CNTN5: variants seen among roughly 807,000 people sequenced by gnomAD.
CNTN5 encodes the protein contactin 5, also known as contactin-5.
CNTN5 carries 77 observed loss-of-function variants against 129.1 expected under a neutral mutation model. That is an observed-to-expected ratio of 0.60 (90% CI 0.50 to 0.72). The LOEUF (loss-of-function observed/expected upper bound fraction) is 0.72. Ranked by LOEUF, CNTN5 falls within the 30% of genes least tolerant of loss-of-function variation. The pLI is 0.00. For missense variants in CNTN5, 1,478 were observed against 1,328.8 expected, an observed-to-expected ratio of 1.11 and a Z score of -1.75; for synonymous variants, 509 against 465.6, an observed-to-expected ratio of 1.09 and a Z score of -1.20.
intron 8 of CNTN5, among the ~76,000 whole-genome samples, chr11:99,996,568 T>C (rs574589813): frequency 6.6e-6 from 1 of 152,272 alleles, no homozygotes; most frequent in South Asian, 2.1e-4. Flanking sequence ...CCATTTACTC[T>C]CTCCTATCTT....
At chr11:100,279,578 G>C (rs1471013548) in intron 18 of CNTN5, among the ~76,000 whole-genome samples, 1 of 151,640 alleles carries the variant, frequency 6.6e-6, no homozygotes, top group African/African-American at 2.4e-5. Context: ...ATTTCTTCTA[G>C]ATATTCCAAT....
At chr11:99,125,842 A>G (rs1426383434) in intron 1 of CNTN5, among the ~76,000 whole-genome samples, 1 of 152,164 alleles carries the variant, frequency 6.6e-6, no homozygotes, top group African/African-American at 2.4e-5. Flanking sequence ...TTTTAACATC[A>G]CAAACTCAAA....
chr11:100,052,588 T>G (rs1943016393), intron 9 of CNTN5, among the ~76,000 whole-genome samples: 1 of 151,860 alleles, frequency 6.6e-6, no homozygotes. Context: ...ATATACCGTG[T>G]TCATGGAATA....
intron 3 of CNTN5, among the ~76,000 whole-genome samples, chr11:99,660,280 A>C (rs936972915): frequency 1.3e-5 from 2 of 152,096 alleles, no homozygotes; most frequent in African/African-American, 4.8e-5. Context: ...AGAAAGTACA[A>C]GCTAATTTAT....
chr11:100,205,204 A>G (rs903230450), intron 15 of CNTN5, among the ~76,000 whole-genome samples: 1 of 152,006 alleles, frequency 6.6e-6, no homozygotes, highest in African/African-American at 2.4e-5. Context: ...GACATCTTTA[A>G]AATTCTACCT....
chr11:100,285,809 G>C (rs1950770228), intron 18 of CNTN5, among the ~76,000 whole-genome samples: 2 of 152,216 alleles, frequency 1.3e-5, no homozygotes, highest in Admixed American at 6.5e-5. Context: ...GAGCGACGCA[G>C]AAGACGGGTG....
chr11:99,760,583 T>C (rs1944545967), intron 3 of CNTN5, among the ~76,000 whole-genome samples: 1 of 152,150 alleles, frequency 6.6e-6, no homozygotes, highest in Non-Finnish European at 1.5e-5. Context: ...GGTTATGGAT[T>C]AGTTCTGAGT....
intron 1 of CNTN5, among the ~76,000 whole-genome samples, chr11:99,083,792 C>A (rs1433663650): frequency 1.3e-5 from 2 of 151,990 alleles, no homozygotes; most frequent in Non-Finnish European, 2.9e-5. Flanking sequence ...AACTTCCACC[C>A]CATAAGTCAC....
intron 1 of CNTN5, among the ~76,000 whole-genome samples, chr11:99,138,399 A>C (rs1438398266): frequency 1.3e-5 from 2 of 152,198 alleles, no homozygotes; most frequent in African/African-American, 4.8e-5. Context: ...CAGTTATGTT[A>C]AGTGGGAGTG....
chr11:100,340,584 G>A lies in CNTN5; in HGVS notation c.2852G>A (p.Arg951Lys), dbSNP rs1247810023. 1 of 1,613,260 alleles carries A rather than the reference G, an allele frequency of 6.2e-7. No individual in the cohort carries two copies. Among genetic ancestry groups the A allele is most frequent in the Admixed American group, 1.7e-5 (1 of 59,942 alleles). ...EGNTLYHFTV[R>K]AYNGAGYGPP... ...AATACGTTATATCACTTCACAGTGA[G>A]GGCTTACAATGGAGCTGGATATGGG... is the stretch of plus-strand genomic sequence containing the variant. The change falls in exon 22 of 25, where the codon AGG (arginine) becomes AAG (lysine). Residue 951 changes from arginine (R) to lysine (K), a missense_variant. Coordinates refer to ENST00000524871, the MANE Select transcript of CNTN5 (RefSeq NM_014361.4).
chr11:100,100,025 T>G (rs757612751), intron 13 of CNTN5, among the ~76,000 whole-genome samples: 3 of 152,142 alleles, frequency 2.0e-5, no homozygotes, highest in Non-Finnish European at 4.4e-5. Context: ...CTTTTCTTCT[T>G]AGTTCCAATT....
chr11:99,191,894 T>C (rs1858661807), intron 1 of CNTN5, among the ~76,000 whole-genome samples: 1 of 151,496 alleles, frequency 6.6e-6, no homozygotes, highest in Non-Finnish European at 1.5e-5. Context: ...TTTCCTCAAG[T>C]CACTAGAAGC....
chr11:100,011,052 C>T (rs951826634), intron 9 of CNTN5, among the ~76,000 whole-genome samples: 31 of 152,126 alleles, frequency 2.0e-4, no homozygotes, highest in African/African-American at 7.5e-4. Context: ...TGAATATGTA[C>T]ACTGAATGAA....
At chr11:100,279,544 TTGTA>T (rs1249249989) in intron 18 of CNTN5, among the ~76,000 whole-genome samples, 3 of 152,026 alleles carry the variant, frequency 2.0e-5, no homozygotes, top group South Asian at 2.1e-4. Flanking sequence ...TCTTGATAGG[TTGTA>T]TGTGTCTAGA....
At chr11:99,148,952 A>G (rs1859918142) in intron 1 of CNTN5, among the ~76,000 whole-genome samples, 1 of 151,978 alleles carries the variant, frequency 6.6e-6, no homozygotes, top group Admixed American at 6.6e-5. Flanking sequence ...AAGAACAGTA[A>G]AATCATTTGT....
rs536763996 is a variant in CNTN5, at chr11:99,291,445, T to A, written c.-209-33901T>A. On this transcript the variant is annotated intron_variant, in intron 1 of 24. Transcript: ENST00000524871. ...TTGCTATGCTGTGTCTTATAGGAGT[T>A]GTCTTTTCTAACTACCTTTGGCCCA... Among the ~76,000 whole-genome samples the A allele has an allele frequency of 5.9e-5, 9 of 152,016 alleles. No homozygotes were observed. The East Asian group carries it at 1.4e-3, about 23-fold the overall frequency.
chr11:99,062,934 A>G (rs1461654297), intron 1 of CNTN5, among the ~76,000 whole-genome samples: 2 of 152,166 alleles, frequency 1.3e-5, no homozygotes, highest in African/African-American at 2.4e-5. Flanking sequence ...AGATACGGAG[A>G]TTAAGAACAT....
chr11:99,639,137 C>T (rs138930222), intron 3 of CNTN5, among the ~76,000 whole-genome samples: 1,645 of 152,332 alleles, frequency 0.011, 14 homozygotes, highest in Middle Eastern at 0.051. Context: ...CTCAAGACCA[C>T]GTGGACACTG....
chr11:100,241,701 T>G (rs1180243570), intron 16 of CNTN5, among the ~76,000 whole-genome samples: 2 of 152,120 alleles, frequency 1.3e-5, no homozygotes, highest in African/African-American at 4.8e-5. Context: ...AAGGCTTGTG[T>G]GGGGAAAGGA....
Sources: allele counts gnomAD v4.1 joint callset (sites outside exome capture counted in the v4.1 genomes callset), GRCh38; gene constraint gnomAD v4.1.1; transcripts MANE v1.5; gene names NCBI Gene and HGNC (gene_info 2026-07-23, HGNC 2026-07-21).